Variants in GPHN observed in about 807,000 individuals in gnomAD.
GPHN encodes the protein gephyrin.
A neutral mutation model predicts 95.5 loss-of-function variants in GPHN; 17 were observed. That is an observed-to-expected ratio of 0.18 (90% confidence interval 0.12 to 0.27). The LOEUF is 0.27. Ranked by LOEUF, GPHN falls within the 10% of genes least tolerant of loss-of-function variation. GPHN has a pLI of 1.00. For missense variants in GPHN, 660 were observed against 978.1 expected, an observed-to-expected ratio of 0.67 and a Z score of 4.34; for synonymous variants, 320 against 322.5, an observed-to-expected ratio of 0.99 and a Z score of 0.08.
intron 8 of GPHN, among the ~76,000 whole-genome samples, chr14:66,957,001 T>G (rs2068556459): frequency 6.8e-6 from 1 of 146,552 alleles, no homozygotes; most frequent in African/African-American, 2.5e-5. Context: ...CACTGGGAGA[T>G]ATACCTAATG....
At chr14:66,703,997 A>T (rs1413112142) in intron 2 of GPHN, among the ~76,000 whole-genome samples, 1 of 152,032 alleles carries the variant, frequency 6.6e-6, no homozygotes, top group Non-Finnish European at 1.5e-5. Context: ...AAAAGAAAAA[A>T]AAAAGGGCAG....
the GPHN span, chr14:67,651,137 G>A: frequency 1.1e-6 from 1 of 909,312 alleles, no homozygotes; most frequent in Non-Finnish European, 1.6e-6. Context: ...ATATGCTACA[G>A]TACTATGTAA....
the GPHN span, among the ~76,000 whole-genome samples, chr14:67,253,846 A>G: frequency 6.7e-6 from 1 of 148,850 alleles, no homozygotes; most frequent in Non-Finnish European, 1.5e-5. Context: ...CTCAAAAAGA[A>G]AAAAAAAAAA....
intron 1 of GPHN, among the ~76,000 whole-genome samples, chr14:66,654,088 C>T (rs2065186587): frequency 6.6e-6 from 1 of 152,048 alleles, no homozygotes; most frequent in Admixed American, 6.6e-5. Flanking sequence ...ATTTTTTAGT[C>T]ACTATTTTAA....
intron 6 of GPHN, 131 bp from the exon 7 acceptor site, chr14:66,922,535 T>A (rs2066276693): frequency 7.3e-6 from 5 of 683,438 alleles, no homozygotes; most frequent in Non-Finnish European, 1.3e-5. Context: ...GACAATGTTT[T>A]ACATATGATT....
At chr14:67,618,300 C>T in the GPHN span, among the ~76,000 whole-genome samples, 1,524 of 152,168 alleles carry the variant, frequency 0.01, 30 homozygotes, top group African/African-American at 0.035. Context: ...GAGTGGGGCC[C>T]AAGAATTTGC....
rs769143168 is a variant in GPHN at position 66,899,021 on chromosome 14, A to G, written c.390-16982A>G. Reference sequence around the variant, plus strand: ...TAATTTAGGTGTCCACCTCATGTTCATTGCTAATATATATAGAAATACAAT... The same window carrying G: ...TAATTTAGGTGTCCACCTCATGTTCGTTGCTAATATATATAGAAATACAAT... On this transcript the variant is annotated intron_variant, in intron 5 of 22. Coordinates refer to ENST00000478722, the MANE Select transcript of GPHN (RefSeq NM_020806.5). 8.6e-4 allele frequency among the ~76,000 whole-genome samples: 130 copies of G among 151,540 alleles called. 1 individual carries two copies. The highest frequency in any genetic ancestry group is 3.1e-4 in the Non-Finnish European group (21 of 67,788).
intron 2 of GPHN, among the ~76,000 whole-genome samples, chr14:66,686,429 G>A (rs961364628): frequency 5.3e-4 from 81 of 152,122 alleles, no homozygotes; most frequent in African/African-American, 1.9e-3. Context: ...ATTTTGTTGA[G>A]CAGTGGTTTG....
intron 5 of GPHN, among the ~76,000 whole-genome samples, chr14:66,895,187 G>T (rs1212972714): frequency 1.3e-5 from 2 of 152,174 alleles, no homozygotes; most frequent in East Asian, 3.8e-4. Context: ...CATAAGAAAG[G>T]ATGAGTTCAT....
At chr14:67,496,151 T>C in the GPHN span, among the ~76,000 whole-genome samples, 3 of 152,278 alleles carry the variant, frequency 2.0e-5, no homozygotes, top group African/African-American at 7.2e-5. Flanking sequence ...ATGGTGCCAC[T>C]GTACTCCAGC....
the GPHN span, among the ~76,000 whole-genome samples, chr14:67,341,772 A>G: frequency 6.6e-6 from 1 of 152,222 alleles, no homozygotes; most frequent in Non-Finnish European, 1.5e-5. Context: ...AGATAGAGAA[A>G]TCGGATGGTT....
At chr14:66,886,845 G>A (rs779623596) in intron 5 of GPHN, among the ~76,000 whole-genome samples, 123 of 152,154 alleles carry the variant, frequency 8.1e-4, no homozygotes, top group Non-Finnish European at 1.5e-3. Context: ...ACTAATAAGC[G>A]TGGGAAACTG....
intron 9 of GPHN, among the ~76,000 whole-genome samples, chr14:67,018,645 T>G (rs1209438091): frequency 6.6e-6 from 1 of 152,182 alleles, no homozygotes; most frequent in African/African-American, 2.4e-5. Flanking sequence ...TACATAGAAT[T>G]TTCCACCTCT....
the GPHN span, chr14:67,725,176 A>C: frequency 6.2e-7 from 1 of 1,614,056 alleles, no homozygotes; most frequent in Admixed American, 1.7e-5. Flanking sequence ...GGATACAAAG[A>C]ACTCCCAGGT....
chr14:67,687,575 A>T, the GPHN span, among the ~76,000 whole-genome samples: 1 of 149,088 alleles, frequency 6.7e-6, no homozygotes, highest in South Asian at 2.1e-4. Context: ...AGGTTCAAGC[A>T]ATTCTCCTGC....
At chr14:67,187,348 C>A in the GPHN span, among the ~76,000 whole-genome samples, 1 of 152,158 alleles carries the variant, frequency 6.6e-6, no homozygotes, top group Non-Finnish European at 1.5e-5. Flanking sequence ...TTAATGGCAC[C>A]ATCATTCACC....
chr14:66,999,885 A>G (rs984623283), intron 9 of GPHN, among the ~76,000 whole-genome samples: 1 of 151,850 alleles, frequency 6.6e-6, no homozygotes, highest in Non-Finnish European at 1.5e-5. Flanking sequence ...TTGTAACACA[A>G]TATCTAACCC....
At chr14:67,320,496 A>T in the GPHN span, 1 of 1,151,588 alleles carries the variant, frequency 8.7e-7, no homozygotes, top group Non-Finnish European at 1.2e-6. Flanking sequence ...TTTCATTAAA[A>T]CACTGTTGTC....
intron 2 of GPHN, among the ~76,000 whole-genome samples, chr14:66,682,363 A>G (rs1361914256): frequency 1.3e-5 from 2 of 152,264 alleles, no homozygotes; most frequent in Non-Finnish European, 2.9e-5. Flanking sequence ...TACCTAGTGA[A>G]TAACATTTAA....
Sources: allele counts gnomAD v4.1 joint callset (sites outside exome capture counted in the v4.1 genomes callset), GRCh38; gene constraint gnomAD v4.1.1; transcripts MANE v1.5; gene names NCBI Gene and HGNC (gene_info 2026-07-23, HGNC 2026-07-21).